Variants in RORA observed in about 807,000 individuals in gnomAD.
RORA encodes the protein nuclear receptor ROR-alpha.
RORA carries 7 observed loss-of-function variants against 69.5 expected under a neutral mutation model. The ratio of observed to expected loss-of-function variants is 0.10; its 90% CI spans 0.06 to 0.19. The LOEUF (loss-of-function observed/expected upper bound fraction) is 0.19, where lower values mean the gene tolerates loss of function less well. RORA is among the 10% of genes least tolerant of loss of function. The pLI is 1.00. For synonymous variants in RORA, 261 were observed against 240.8 expected (o/e 1.08, Z -0.78); for missense variants, 457 against 663.0 (o/e 0.69, Z 3.41).
intron 1 of RORA, among the ~76,000 whole-genome samples, chr15:61,055,372 C>T (rs1006198388): frequency 1.3e-5 from 2 of 152,060 alleles, no homozygotes; most frequent in East Asian, 3.9e-4. Flanking sequence ...ACTAAGGGAC[C>T]GAGGCCACAG....
chr15:60,761,146 A>G (rs2071882083), intron 1 of RORA, among the ~76,000 whole-genome samples: 1 of 152,100 alleles, frequency 6.6e-6, no homozygotes, highest in African/African-American at 2.4e-5. Context: ...ACTTCTGCAG[A>G]TTCCATGGGC....
At chr15:60,650,478 C>T (rs997846095) in intron 2 of RORA, 1 of 152,178 alleles carries the variant, frequency 6.6e-6, no homozygotes, top group African/African-American at 2.4e-5. Flanking sequence ...CGATGGTTCA[C>T]ATTGGTTTCC....
intron 1 of RORA, among the ~76,000 whole-genome samples, chr15:61,087,680 C>T (rs913330514): frequency 1.3e-5 from 2 of 152,182 alleles, no homozygotes; most frequent in African/African-American, 4.8e-5. Flanking sequence ...CAGATAATCA[C>T]ATTCAATTGT....
intron 1 of RORA, among the ~76,000 whole-genome samples, chr15:60,789,472 G>A (rs1315344415): frequency 6.6e-6 from 1 of 152,196 alleles, no homozygotes; most frequent in Non-Finnish European, 1.5e-5. Flanking sequence ...TGGACACCCT[G>A]CTTCCTTACA....
At chr15:60,643,542 A>G (rs549998409) in intron 2 of RORA, among the ~76,000 whole-genome samples, 1 of 152,336 alleles carries the variant, frequency 6.6e-6, no homozygotes, top group African/African-American at 2.4e-5. Flanking sequence ...TGGAGAGTTT[A>G]AGAGTTGTAT....
chr15:61,141,553 T>G (rs1029899882), intron 1 of RORA, among the ~76,000 whole-genome samples: 1 of 152,126 alleles, frequency 6.6e-6, no homozygotes, highest in Non-Finnish European at 1.5e-5. Flanking sequence ...ATTTTAGAAA[T>G]CTATTGGAGA....
At chr15:60,955,735 G>A (rs1893249092) in intron 1 of RORA, among the ~76,000 whole-genome samples, 1 of 152,208 alleles carries the variant, frequency 6.6e-6, no homozygotes, top group Non-Finnish European at 1.5e-5. Context: ...CAGAGCCAGG[G>A]TGGAGCAAGA....
chr15:60,928,274 G>A (rs1346315576), intron 1 of RORA, among the ~76,000 whole-genome samples: 1 of 152,206 alleles, frequency 6.6e-6, no homozygotes, highest in Non-Finnish European at 1.5e-5. Context: ...ACACACAACA[G>A]CTGGAAATAC....
At chr15:60,964,256 T>C (rs538254449) in intron 1 of RORA, among the ~76,000 whole-genome samples, 2 of 152,350 alleles carry the variant, frequency 1.3e-5, no homozygotes, top group South Asian at 2.1e-4. Context: ...GGCATTAATA[T>C]GCCTATCTGT....
intron 1 of RORA, among the ~76,000 whole-genome samples, chr15:61,116,755 G>A (rs1341524284): frequency 8.2e-6 from 1 of 122,050 alleles, no homozygotes; most frequent in Non-Finnish European, 1.6e-5. Context: ...GGAAGAAGCT[G>A]AGAGAATTTT....
chr15:60,890,480 T>C (rs2073801503), intron 1 of RORA, among the ~76,000 whole-genome samples: 1 of 152,166 alleles, frequency 6.6e-6, no homozygotes, highest in Admixed American at 6.5e-5. Flanking sequence ...AGCAGCAGAA[T>C]TGTGAGCACA....
chr15:61,076,697 T>C (rs2078454800), intron 1 of RORA, among the ~76,000 whole-genome samples: 1 of 152,210 alleles, frequency 6.6e-6, no homozygotes, highest in Admixed American at 6.5e-5. Flanking sequence ...ATGTTACAAC[T>C]GTATTTAATC....
intron 3 of RORA, among the ~76,000 whole-genome samples, chr15:60,517,304 C>T (rs1266579769): frequency 6.6e-6 from 1 of 151,982 alleles, no homozygotes; most frequent in Admixed American, 6.6e-5. Context: ...TCTCACTCCT[C>T]TTGCTTTCAG....
chr15:60,571,126 G>C (rs1478543211), intron 2 of RORA, among the ~76,000 whole-genome samples: 1 of 151,944 alleles, frequency 6.6e-6, no homozygotes. Flanking sequence ...ATTATCTGAA[G>C]GCTGTTATTT....
At chr15:60,958,845 G>A (rs987044489) in intron 1 of RORA, among the ~76,000 whole-genome samples, 1 of 152,102 alleles carries the variant, frequency 6.6e-6, no homozygotes, top group Non-Finnish European at 1.5e-5. Context: ...AATCTGAGAC[G>A]TCCACTCAGT....
At chr15:60,698,692 G>T (rs1245791999) in intron 1 of RORA, among the ~76,000 whole-genome samples, 30 of 144,196 alleles carry the variant, frequency 2.1e-4, no homozygotes, top group African/African-American at 7.5e-4. Flanking sequence ...GCATTGAATA[G>T]ATATCATCGT....
chr15:60,688,763 G>A (rs2070782140), intron 1 of RORA, among the ~76,000 whole-genome samples: 1 of 152,194 alleles, frequency 6.6e-6, no homozygotes, highest in South Asian at 2.1e-4. Context: ...CAGTGCTCGA[G>A]AATGCAGTGA....
intron 1 of RORA, among the ~76,000 whole-genome samples, chr15:60,754,517 T>G (rs2071769520): frequency 6.6e-6 from 1 of 152,178 alleles, no homozygotes; most frequent in Non-Finnish European, 1.5e-5. Context: ...TAGGGCTGTT[T>G]TAGTCTCATG....
At chr15:60,946,171 G>A (rs893742679) in intron 1 of RORA, among the ~76,000 whole-genome samples, 2 of 152,294 alleles carry the variant, frequency 1.3e-5, no homozygotes, top group Middle Eastern at 3.4e-3. Context: ...CACCCTGAGT[G>A]TCCTATGTCC....
Sources: allele counts gnomAD v4.1 joint callset (sites outside exome capture counted in the v4.1 genomes callset), GRCh38; gene constraint gnomAD v4.1.1; transcripts MANE v1.5; gene names NCBI Gene and HGNC (gene_info 2026-07-23, HGNC 2026-07-21).